The following C13orf46 variants were observed in gnomAD, a reference collection of about 807,000 sequenced individuals.
C13orf46 encodes uncharacterized protein C13orf46.
chr13:113,941,736 C>G, the C13orf46 span, among the ~76,000 whole-genome samples: 1 of 152,232 alleles, frequency 6.6e-6, no homozygotes, highest in African/African-American at 2.4e-5. Context: ...GGGTGCTGCC[C>G]CCACTCTCCC....
At chr13:113,945,624 G>GAA in the C13orf46 span, among the ~76,000 whole-genome samples, 82 of 126,324 alleles carry the variant, frequency 6.5e-4, 1 homozygote, top group African/African-American at 2.3e-3. Context: ...AAGAAAGAAA[G>GAA]AAAGAAAGAA....
chr13:113,953,276 G>A (rs1258516927), downstream of C13orf46, among the ~76,000 whole-genome samples: 5 of 152,094 alleles, frequency 3.3e-5, no homozygotes, highest in African/African-American at 4.8e-5. Context: ...CCTGCGCCAC[G>A]GAAATCTCCC....
At chr13:113,945,575 AAGAGAGAGAGAGAGAG>A in the C13orf46 span, among the ~76,000 whole-genome samples, 20 of 89,104 alleles carry the variant, frequency 2.2e-4, no homozygotes, top group African/African-American at 6.3e-4. Context: ...GAAAGAAAGA[AAGAGAGAGAGAGAGAG>A]AGAAAGAAAG....
chr13:113,945,321 G>A, the C13orf46 span, among the ~76,000 whole-genome samples: 401 of 152,050 alleles, frequency 2.6e-3, 4 homozygotes, highest in African/African-American at 9.2e-3. Context: ...CAAGACAGGC[G>A]GATCACGAGG....
chr13:113,943,081 C>A, the C13orf46 span, among the ~76,000 whole-genome samples: 1 of 152,176 alleles, frequency 6.6e-6, no homozygotes, highest in Non-Finnish European at 1.5e-5. Context: ...TGGCTGCCTC[C>A]CACAGGAGAG....
In C13orf46 at chr13:113,955,201, C is replaced by T. The variant is rs878928321; in HGVS notation, c.*1572G>A. 0.4 allele frequency: 58,711 copies of T among 145,600 alleles called. 10,323 individuals are homozygous for T. The highest frequency in any genetic ancestry group is 0.52 in the East Asian group (2,180 of 4,198). 9.0% of individuals were successfully genotyped at this position (145,600 alleles called of 1,614,324 possible). On this transcript the variant is annotated 3_prime_UTR_variant, in exon 7 of 7. Coordinates refer to ENST00000636427, the MANE Select transcript of C13orf46 (RefSeq NM_001365455.2). ...CATCTGGTGGAGAGGAGGAGCATCC[C>T]GTGGAGACGAGGAGCATCCCGTGGA...
chr13:113,964,047 C>T (rs1211679878), intron 6 of C13orf46, among the ~76,000 whole-genome samples: 1 of 152,296 alleles, frequency 6.6e-6, no homozygotes, highest in African/African-American at 2.4e-5. Context: ...CACAGGGTTT[C>T]ACCATGTTGG....
intron 6 of C13orf46, among the ~76,000 whole-genome samples, chr13:113,958,004 CACA>C (rs2052555092): frequency 7.3e-6 from 1 of 136,880 alleles, no homozygotes; most frequent in Admixed American, 7.6e-5. Flanking sequence ...TTTCATCAAG[CACA>C]CTGGGGGATC....
downstream of C13orf46, among the ~76,000 whole-genome samples, chr13:113,949,868 G>GGAC (rs1169154907): frequency 0.42 from 63,234 of 150,844 alleles, 14,174 homozygotes; most frequent in Non-Finnish European, 0.49. Flanking sequence ...CTTGCTTGAG[G>GGAC]GACCTCAGTG....
chr13:113,953,573 T>A (rs892691604), downstream of C13orf46: 43 of 152,210 alleles, frequency 2.8e-4, no homozygotes, highest in African/African-American at 9.7e-4. Context: ...AAGGCTCACA[T>A]TCTAACAGCT....
intron 6 of C13orf46, among the ~76,000 whole-genome samples, chr13:113,964,425 T>C (rs1257365130): frequency 6.6e-6 from 1 of 152,152 alleles, no homozygotes; most frequent in African/African-American, 2.4e-5. Flanking sequence ...ACACGGATCA[T>C]CTCTTCGGAG....
the C13orf46 span, among the ~76,000 whole-genome samples, chr13:113,939,515 C>T: frequency 4.6e-5 from 7 of 152,228 alleles, no homozygotes; most frequent in South Asian, 4.1e-4. Context: ...ACAGAGACCA[C>T]GTGGATGGGA....
chr13:113,970,826 G>C (rs1307696014), intron 1 of C13orf46, among the ~76,000 whole-genome samples: 2 of 152,170 alleles, frequency 1.3e-5, no homozygotes, highest in Non-Finnish European at 2.9e-5. Context: ...AGAGGACAGG[G>C]GCCCAGGAAC....
rs2052501885 is a variant in C13orf46, at chr13:113,954,135, G to A, written c.*2638C>T. 1 of 152,262 alleles carries A rather than the reference G, an allele frequency of 6.6e-6. No homozygotes were observed. Among genetic ancestry groups the A allele is most frequent in the Non-Finnish European group, 1.5e-5 (1 of 68,064 alleles). 9.4% of individuals were successfully genotyped at this position (152,262 alleles called of 1,614,324 possible). On this transcript the variant is annotated 3_prime_UTR_variant, in exon 7 of 7. Coordinates refer to ENST00000636427, the MANE Select transcript of C13orf46 (RefSeq NM_001365455.2). ...CCTCCCTGGCTGAGTGATGGGCAGA[G>A]CTCACCCTCTGGGAGCCTCTGCATT...
chr13:113,933,925 C>T, the C13orf46 span, among the ~76,000 whole-genome samples: 1 of 152,240 alleles, frequency 6.6e-6, no homozygotes, highest in Non-Finnish European at 1.5e-5. Context: ...CCTAGGTTTC[C>T]GTGTGTTTGT....
At chr13:113,946,864 G>A in the C13orf46 span, among the ~76,000 whole-genome samples, 1 of 152,388 alleles carries the variant, frequency 6.6e-6, no homozygotes, top group East Asian at 1.9e-4. Context: ...AGCCACAGCA[G>A]AGCTGGGGCT....
the C13orf46 span, among the ~76,000 whole-genome samples, chr13:113,935,143 T>A: frequency 6.6e-6 from 1 of 152,216 alleles, no homozygotes; most frequent in Non-Finnish European, 1.5e-5. Flanking sequence ...GGGAACAGTT[T>A]CCTGGCCAGT....
chr13:113,951,233 T>G (rs2052487482), downstream of C13orf46, among the ~76,000 whole-genome samples: 1 of 152,070 alleles, frequency 6.6e-6, no homozygotes, highest in Admixed American at 6.5e-5. Flanking sequence ...TGCTTGGATC[T>G]CGGGTGTCTG....
the C13orf46 span, among the ~76,000 whole-genome samples, chr13:113,941,676 C>G: frequency 6.6e-6 from 1 of 152,220 alleles, no homozygotes; most frequent in Non-Finnish European, 1.5e-5. Context: ...CAGATGGAGA[C>G]ACAGTTCCAG....
Sources: gnomAD v4.1 joint callset for allele counts (sites outside exome capture counted in the v4.1 genomes callset) on GRCh38, gnomAD v4.1.1 for gene constraint, MANE v1.5 for transcripts, NCBI Gene and HGNC (gene_info 2026-07-23, HGNC 2026-07-21) for gene names.